TG: variants seen among roughly 807,000 people sequenced by gnomAD.
TG encodes the protein thyroglobulin, also known as thyroid hormones.
In TG, 270 loss-of-function variants were observed where a neutral mutation model predicts 324.7. The observed-to-expected ratio is 0.83, with a 90% CI of 0.75 to 0.92. The LOEUF (loss-of-function observed/expected upper bound fraction) is 0.92. Ranked by LOEUF, TG falls within the 40% of genes least tolerant of loss-of-function variation. The pLI is 0.00. For synonymous variants in TG, 1,401 were observed against 1,327.0 expected (o/e 1.06, Z -1.21); for missense variants, 3,591 against 3,456.4 (o/e 1.04, Z -0.98).
At chr8:133,057,685 T>C (rs1841693115) in intron 41 of TG, among the ~76,000 whole-genome samples, 1 of 152,014 alleles carries the variant, frequency 6.6e-6, no homozygotes, top group Non-Finnish European at 1.5e-5. Context: ...CCTCAAGTCC[T>C]GCTTCCTTTT....
intron 40 of TG, among the ~76,000 whole-genome samples, chr8:133,024,386 CTTTCTTTTTCTTTTTT>C (rs1835872866): frequency 2.6e-5 from 1 of 38,346 alleles, no homozygotes; most frequent in Non-Finnish European, 5.5e-5. Flanking sequence ...TTCTTTCTTT[CTTTCTTTTTCTTTTTT>C]TAATTTTACT....
chr8:132,910,622 A>G (rs1261734283), intron 18 of TG, among the ~76,000 whole-genome samples: 1 of 152,104 alleles, frequency 6.6e-6, no homozygotes, highest in African/African-American at 2.4e-5. Context: ...CCCTTCCACC[A>G]TGGACACAGT....
chr8:133,039,905 T>C (rs1035042674), intron 41 of TG: 2 of 1,492,228 alleles, frequency 1.3e-6, no homozygotes, highest in African/African-American at 2.8e-5. Context: ...TTTCATGTGC[T>C]CGGCACACAC....
At chr8:133,059,405 T>C (rs1229115030) in intron 41 of TG, among the ~76,000 whole-genome samples, 1 of 152,188 alleles carries the variant, frequency 6.6e-6, no homozygotes, top group Non-Finnish European at 1.5e-5. Flanking sequence ...ATGTTCAGCC[T>C]TTTCCCTTTG....
intron 35 of TG, among the ~76,000 whole-genome samples, chr8:132,983,972 AT>A (rs1831216601): frequency 6.6e-6 from 1 of 152,156 alleles, no homozygotes; most frequent in Non-Finnish European, 1.5e-5. Context: ...CTCCTCACTC[AT>A]GGCATGAGTC....
chr8:132,882,059 A>G (rs1814719031), intron 6 of TG, 90 bp downstream of exon 6: 3 of 951,520 alleles, frequency 3.2e-6, no homozygotes, highest in South Asian at 1.4e-5. Flanking sequence ...AAGCACAGCT[A>G]GAGTGACTGC....
At chr8:133,082,087 A>G (rs1845834611) in intron 41 of TG, among the ~76,000 whole-genome samples, 1 of 152,220 alleles carries the variant, frequency 6.6e-6, no homozygotes, top group East Asian at 1.9e-4. Context: ...CACAGACAAA[A>G]GACAAAGTCT....
chr8:132,942,764 T>C (rs1045079611), intron 26 of TG, among the ~76,000 whole-genome samples: 19 of 151,718 alleles, frequency 1.3e-4, no homozygotes, highest in African/African-American at 3.6e-4. Flanking sequence ...AGTCTTGGAG[T>C]GTGAAGGAAG....
In TG at chr8:132,882,454, G is replaced by A; in HGVS notation, c.746-15G>A. ...GAATGAGACCATCTCTGAAAGTCTTGCTGTCTTTGCTCAGGTTTGGAGTTG... is the reference window on the plus strand; with the variant it reads ...GAATGAGACCATCTCTGAAAGTCTTACTGTCTTTGCTCAGGTTTGGAGTTG... On this transcript the variant is annotated splice_polypyrimidine_tract_variant and intron_variant, in intron 6 of 47. Transcript: ENST00000220616. 1.9e-6 allele frequency: 3 copies of A among 1,614,152 alleles called. No homozygotes were observed. Among genetic ancestry groups the A allele is most frequent in the Non-Finnish European group, 1.7e-6 (2 of 1,180,006 alleles).
Position 133,013,635 on chromosome 8 carries a change from C to G in TG, c.6433C>G (p.Leu2145Val). The G allele has an allele frequency of 1.2e-6, 2 of 1,614,252 alleles. No individual in the cohort carries two copies. The highest frequency in any genetic ancestry group is 1.7e-6 in the Non-Finnish European group (2 of 1,180,052). Residue 2145 changes from leucine (L) to valine (V), a missense_variant, in exon 37 of 48, where the codon CTG becomes GTG. Physicochemically the swap from Leu to Val is conservative, Grantham distance 32. Coordinates refer to ENST00000220616, the MANE Select transcript of TG (RefSeq NM_003235.5). ...ACATGAGGCCTGTCTCATCACCACT[C>G]TGCAAACCCAACCTGGGGCTGTGAG... ...SQHEACLITT[L>V]QTQPGAVRCM...
chr8:132,932,127 G>A (rs1219870645), intron 23 of TG, among the ~76,000 whole-genome samples: 2 of 151,980 alleles, frequency 1.3e-5, no homozygotes, highest in Non-Finnish European at 2.9e-5. Flanking sequence ...ATTTTTTTGG[G>A]GGGGGTGTTC....
Position 132,873,230 on chromosome 8 carries a change from AGCAGGGGTGT to A in TG, c.638+12_638+21del. ...GTCCACAGCTACAACAGGTAAGGGG[AGCAGGGGTGT>A]GCCAGTCACTGGGCCATCACCTGAC... On this transcript the variant is annotated intron_variant, in intron 5 of 47. Transcript: ENST00000220616. 1 of 1,613,988 alleles carries A rather than the reference AGCAGGGGTGT, an allele frequency of 6.2e-7. No individual in the cohort carries two copies. The highest frequency in any genetic ancestry group is 1.7e-4 in the Middle Eastern group (1 of 6,046).
At chr8:132,974,507 A>G (rs970311273) in intron 34 of TG, among the ~76,000 whole-genome samples, 4 of 152,144 alleles carry the variant, frequency 2.6e-5, no homozygotes, top group African/African-American at 7.2e-5. Context: ...GACCCAAACC[A>G]CACGGCTGGT....
chr8:132,972,083 T>C (rs995495304), intron 33 of TG, among the ~76,000 whole-genome samples: 2 of 152,190 alleles, frequency 1.3e-5, no homozygotes, highest in African/African-American at 4.8e-5. Context: ...TGTGCAGTTC[T>C]ACCTGGCCAA....
chr8:133,035,782 T>C (rs529276622), intron 41 of TG, among the ~76,000 whole-genome samples: 1 of 152,356 alleles, frequency 6.6e-6, no homozygotes, highest in Admixed American at 6.5e-5. Context: ...TTTTTGCCCC[T>C]TTATTTTCAA....
chr8:132,916,717 G>C (rs1333067972), intron 20 of TG, among the ~76,000 whole-genome samples: 4 of 152,162 alleles, frequency 2.6e-5, no homozygotes, highest in African/African-American at 9.7e-5. Flanking sequence ...AGTCAGTTTT[G>C]TTCCCCCTTT....
chr8:132,925,661 A>G (rs1425907652), intron 22 of TG, among the ~76,000 whole-genome samples: 3 of 152,164 alleles, frequency 2.0e-5, no homozygotes, highest in African/African-American at 7.2e-5. Context: ...TTGAGAGATC[A>G]GTTAGCCAGA....
At chr8:133,025,536 A>T (rs1835991271) in intron 40 of TG, among the ~76,000 whole-genome samples, 1 of 152,158 alleles carries the variant, frequency 6.6e-6, no homozygotes, top group South Asian at 2.1e-4. Flanking sequence ...TTGGTTGGGC[A>T]CATGTGTTAC....
chr8:133,010,350 A>G (rs1834397982), intron 35 of TG, among the ~76,000 whole-genome samples: 1 of 152,248 alleles, frequency 6.6e-6, no homozygotes, highest in African/African-American at 2.4e-5. Flanking sequence ...TCAAAGTGCT[A>G]TGCTTGTGAT....
Sources: allele counts gnomAD v4.1 joint callset (sites outside exome capture counted in the v4.1 genomes callset), GRCh38; gene constraint gnomAD v4.1.1; transcripts MANE v1.5; gene names NCBI Gene and HGNC (gene_info 2026-07-23, HGNC 2026-07-21).